The following PTPRO variants were observed in gnomAD, a reference collection of about 807,000 sequenced individuals.
PTPRO encodes the protein protein tyrosine phosphatase receptor type O.
PTPRO carries 62 observed loss-of-function variants against 145.2 expected under a neutral mutation model. The observed-to-expected ratio is 0.43, with a 90% CI of 0.35 to 0.53. The LOEUF (loss-of-function observed/expected upper bound fraction) is 0.53. Among genes scored for constraint, PTPRO ranks in the 20% least tolerant of loss-of-function variants. PTPRO has a pLI of 0.01. For synonymous variants in PTPRO, 565 were observed against 514.7 expected, an observed-to-expected ratio of 1.10 and a Z score of -1.32; for missense variants, 1,345 against 1,482.7, an observed-to-expected ratio of 0.91 and a Z score of 1.53.
At chr12:15,357,752 A>T (rs1938042810) in intron 1 of PTPRO, among the ~76,000 whole-genome samples, 1 of 150,790 alleles carries the variant, frequency 6.6e-6, no homozygotes, top group South Asian at 2.1e-4. Context: ...GCTGGAGAGG[A>T]TGTGGAGAAA....
chr12:15,424,980 T>C (rs1031367305), intron 1 of PTPRO, among the ~76,000 whole-genome samples: 5 of 152,270 alleles, frequency 3.3e-5, no homozygotes, highest in Admixed American at 3.3e-4. Context: ...ATTTCACCGC[T>C]ATTTAAATTT....
chr12:15,442,551 C>G (rs1030191826), intron 1 of PTPRO, among the ~76,000 whole-genome samples: 1 of 152,056 alleles, frequency 6.6e-6, no homozygotes, highest in Non-Finnish European at 1.5e-5. Context: ...AGAAGTCAAA[C>G]TATCTCTCTT....
At chr12:15,540,303 T>G (rs1943155369) in intron 12 of PTPRO, among the ~76,000 whole-genome samples, 1 of 152,214 alleles carries the variant, frequency 6.6e-6, no homozygotes, top group African/African-American at 2.4e-5. Flanking sequence ...AAAAATAAAT[T>G]TAAAAGACTT....
intron 1 of PTPRO, among the ~76,000 whole-genome samples, chr12:15,328,833 A>T (rs1866524813): frequency 6.6e-6 from 1 of 152,206 alleles, no homozygotes; most frequent in Non-Finnish European, 1.5e-5. Flanking sequence ...TTTCTATCTT[A>T]ATGAAAATTT....
In PTPRO at chr12:15,573,127, A is replaced by G. The variant is rs140384642; in HGVS notation, c.2829+3629A>G. 1.5e-3 allele frequency among the ~76,000 whole-genome samples: 228 copies of G among 152,226 alleles called. 2 individuals are homozygous for G. Among genetic ancestry groups the G allele is most frequent in the African/African-American group, 5.4e-3 (224 of 41,548 alleles). On this transcript the variant is annotated intron_variant, in intron 19 of 26. Transcript: ENST00000281171. ...TATATAGAGAGATCTATTTTAAGGT[A>G]TTGGCTTTTGAGGTTATGGAGGCTG...
intron 12 of PTPRO, among the ~76,000 whole-genome samples, chr12:15,541,457 A>C (rs1217672996): frequency 2.6e-5 from 4 of 152,198 alleles, no homozygotes; most frequent in African/African-American, 9.6e-5. Context: ...TCATAGCAAA[A>C]TACCACAGAC....
In PTPRO at chr12:15,499,584, G is replaced by A. The variant is rs1481931580; in HGVS notation, c.651G>A (p.Gln217=). The change falls in exon 4 of 27, where the codon CAG becomes CAA. Residue 217 remains glutamine, a synonymous_variant. Transcript: ENST00000281171. ...EYSGVSHEPK[Q]HRTAPYPPQN... ...GTGGTGTCAGTCACGAACCCAAACAGCACAGAACTGGTAAGTCTCCTGAAG... is the reference window on the plus strand; with the variant it reads ...GTGGTGTCAGTCACGAACCCAAACAACACAGAACTGGTAAGTCTCCTGAAG... 5 of 1,613,320 alleles carry A rather than the reference G, an allele frequency of 3.1e-6. No homozygotes were observed. Among genetic ancestry groups the A allele is most frequent in the Non-Finnish European group, 4.2e-6 (5 of 1,179,460 alleles).
At chr12:15,491,718 C>A (rs12424823) in intron 2 of PTPRO, among the ~76,000 whole-genome samples, 31,559 of 152,104 alleles carry the variant, frequency 0.21, 4,117 homozygotes, top group Admixed American at 0.31. Flanking sequence ...AAAGCAGAAG[C>A]ACATTTCCAG....
chr12:15,465,738 C>T (rs1941401161), intron 1 of PTPRO, among the ~76,000 whole-genome samples: 1 of 152,130 alleles, frequency 6.6e-6, no homozygotes, highest in African/African-American at 2.4e-5. Context: ...GCAGCCGGGG[C>T]ATATGGAGAC....
chr12:15,332,711 G>A (rs1307869300), intron 1 of PTPRO, among the ~76,000 whole-genome samples: 1 of 152,112 alleles, frequency 6.6e-6, no homozygotes, highest in Non-Finnish European at 1.5e-5. Flanking sequence ...AATCATAAAT[G>A]GTGACATTAC....
At chr12:15,407,054 A>T (rs1020511849) in intron 1 of PTPRO, among the ~76,000 whole-genome samples, 6 of 152,198 alleles carry the variant, frequency 3.9e-5, no homozygotes, top group African/African-American at 1.4e-4. Context: ...TGCAATATTT[A>T]ATTCAGTCAC....
intron 7 of PTPRO, among the ~76,000 whole-genome samples, chr12:15,513,995 A>C (rs1942520971): frequency 6.6e-6 from 1 of 152,220 alleles, no homozygotes; most frequent in African/African-American, 2.4e-5. Context: ...ATACTGTCTT[A>C]AATATTAGAG....
intron 21 of PTPRO, 25 bp from the exon 22 acceptor site, chr12:15,580,672 G>C (rs752138696): frequency 3.7e-6 from 6 of 1,613,982 alleles, no homozygotes; most frequent in Non-Finnish European, 5.1e-6. Context: ...CTGGTTAGGT[G>C]ATAATTTTGT....
chr12:15,577,564 T>A (rs759557035), intron 19 of PTPRO, among the ~76,000 whole-genome samples: 1 of 152,230 alleles, frequency 6.6e-6, no homozygotes, highest in Non-Finnish European at 1.5e-5. Flanking sequence ...CAGCTTTGAT[T>A]CCTTGAAGTA....
chr12:15,365,600 C>A (rs1016812311), intron 1 of PTPRO, among the ~76,000 whole-genome samples: 4 of 152,224 alleles, frequency 2.6e-5, no homozygotes, highest in African/African-American at 4.8e-5. Context: ...GCTATAGAAA[C>A]TTTACTGGAT....
intron 1 of PTPRO, among the ~76,000 whole-genome samples, chr12:15,337,839 C>A (rs915772222): frequency 2.2e-4 from 33 of 152,064 alleles, no homozygotes; most frequent in African/African-American, 7.5e-4. Context: ...CTGTATGATT[C>A]CATTATATAA....
intron 12 of PTPRO, among the ~76,000 whole-genome samples, chr12:15,533,734 T>A (rs1943012045): frequency 6.6e-6 from 1 of 152,188 alleles, no homozygotes; most frequent in Non-Finnish European, 1.5e-5. Context: ...TATATAGAAG[T>A]CATAGTCATT....
At chr12:15,436,891 T>G (rs1225033100) in intron 1 of PTPRO, among the ~76,000 whole-genome samples, 1 of 152,050 alleles carries the variant, frequency 6.6e-6, no homozygotes, top group Non-Finnish European at 1.5e-5. Flanking sequence ...CTGCTACAGT[T>G]GCGGTTTCTT....
chr12:15,526,999 T>C (rs984643949), intron 12 of PTPRO, among the ~76,000 whole-genome samples: 1 of 151,982 alleles, frequency 6.6e-6, no homozygotes, highest in African/African-American at 2.4e-5. Context: ...TGAGATATAT[T>C]TTCATATAAT....
Sources: gnomAD v4.1 joint callset for allele counts (sites outside exome capture counted in the v4.1 genomes callset) on GRCh38, gnomAD v4.1.1 for gene constraint, MANE v1.5 for transcripts, NCBI Gene and HGNC (gene_info 2026-07-23, HGNC 2026-07-21) for gene names.